Variants in COX15 observed in about 807,000 individuals in gnomAD.
The protein encoded by COX15 is heme A synthase COX15.
COX15 carries 51 observed loss-of-function variants against 51.9 expected under a neutral mutation model. That is an observed-to-expected ratio of 0.98 (90% confidence interval 0.78 to 1.24). COX15 has a LOEUF of 1.24. Among genes scored for constraint, COX15 ranks in the 50% most tolerant of loss-of-function variants. COX15 has a pLI of 0.00. For synonymous variants in COX15, 188 were observed against 190.5 expected (o/e 0.99, Z 0.11); for missense variants, 420 against 501.1 (o/e 0.84, Z 1.55).
At chr10:99,709,431 G>A (rs1308371757), downstream of COX15, 2 of 985,244 alleles carry the variant, frequency 2.0e-6, no homozygotes, top group African/African-American at 3.5e-5. Flanking sequence ...TCCAGCCCCT[G>A]GGGCAATAAC....
Position 99,711,985 on chromosome 10 carries a change from A to G in COX15, c.*2602T>C. 2 of 327,348 alleles carry G rather than the reference A, an allele frequency of 6.1e-6. No individual in the cohort carries two copies. Among genetic ancestry groups the G allele is most frequent in the Non-Finnish European group, 8.8e-6 (2 of 228,320 alleles). The allele number at this position is 327,348 out of a possible 1,614,324, so 20.3% of individuals were successfully genotyped here. ...AGGTGAAGGGGAGCCAGTGTGTCAC[A>G]TGGTGAGAGAGAGCAAGCGAGAGAG... On this transcript the variant is annotated 3_prime_UTR_variant, in exon 9 of 9. Transcript: ENST00000016171.
intron 4 of COX15, among the ~76,000 whole-genome samples, chr10:99,726,010 T>C (rs1296217836): frequency 6.6e-6 from 1 of 152,230 alleles, no homozygotes; most frequent in African/African-American, 2.4e-5. Flanking sequence ...TCTTTTAATT[T>C]GTTGCTCAGT....
chr10:99,718,940 C>T (rs2036667027), intron 6 of COX15, among the ~76,000 whole-genome samples: 1 of 152,192 alleles, frequency 6.6e-6, no homozygotes, highest in South Asian at 2.1e-4. Context: ...AGAGATTTCG[C>T]TTGATGATCC....
chr10:99,696,192 A>G, the COX15 span: 32 of 1,551,536 alleles, frequency 2.1e-5, 1 homozygote, highest in South Asian at 3.5e-4. Context: ...AGAAATACTC[A>G]CATCCTCCTA....
chr10:99,716,730 T>A lies in COX15; in HGVS notation c.988-269A>T, dbSNP rs2036591817. ...TACACCCTCACTCCCAGTGATCTCA[T>A]CCACCTTCCAATGTGGGTGTCCCCC... On this transcript the variant is annotated intron_variant, in intron 7 of 8. Transcript: ENST00000016171. 1.8e-5 allele frequency: 7 copies of A among 384,322 alleles called. No individual in the cohort carries two copies. The Admixed American group carries it at 2.6e-4, about 14-fold the overall frequency. 23.8% of individuals were successfully genotyped at this position (384,322 alleles called of 1,614,324 possible). A position where few individuals can be genotyped will look rare whatever the true frequency, so the allele number is the denominator to read the frequency against.
In COX15 at chr10:99,720,999, TAAGG is replaced by T. The variant is rs1564647082; in HGVS notation, c.816_819del (p.Phe272LeufsTer12). The T allele has an allele frequency of 6.2e-7, 1 of 1,613,690 alleles. No homozygotes were observed. Among genetic ancestry groups the T allele is most frequent in the Non-Finnish European group, 8.5e-7 (1 of 1,179,866 alleles). ...AGCTGAGTCCTACCTGAGAGGGCCGTAAGGAACACCAGACCTGCTGTTCCATGAG... is the reference window on the plus strand; with the variant it reads ...AGCTGAGTCCTACCTGAGAGGGCCGTAACACCAGACCTGCTGTTCCATGAG... On this transcript the variant is annotated frameshift_variant, in exon 6 of 9. Transcript: ENST00000016171. LOFTEE classifies it high-confidence loss of function.
chr10:99,716,704 A>G, intron 7 of COX15: 1 of 435,516 alleles, frequency 2.3e-6, no homozygotes, highest in South Asian at 2.1e-5. Context: ...TATGTACTTT[A>G]TACACCCTCA....
chr10:99,699,306 G>A, the COX15 span, among the ~76,000 whole-genome samples: 1 of 152,190 alleles, frequency 6.6e-6, no homozygotes, highest in Non-Finnish European at 1.5e-5. Flanking sequence ...GAGGCAGAGT[G>A]GTATGGGGTC....
downstream of COX15, chr10:99,708,977 C>T: frequency 1.0e-6 from 1 of 985,426 alleles, no homozygotes; most frequent in Non-Finnish European, 1.2e-6. Flanking sequence ...GCTTTGCTCA[C>T]ATTTAGGAAT....
chr10:99,710,712 G>A (rs2036355143), downstream of COX15: 1 of 985,264 alleles, frequency 1.0e-6, no homozygotes, highest in African/African-American at 1.7e-5. Context: ...AGGACCACAA[G>A]GGTAGCTGTA....
Position 99,720,989 on chromosome 10 carries a change from G to A in COX15, c.830C>T (p.Ser277Leu). ...ATCTTTGATGAGCTGAGTCCTACCTGAGAGGGCCGTAAGGAACACCAGACC... is the reference window on the plus strand; with the variant it reads ...ATCTTTGATGAGCTGAGTCCTACCTAAGAGGGCCGTAAGGAACACCAGACC... ...TAGLVFLTAL[S>L]GAFVAGLDAG... The change falls in exon 6 of 9, where the codon TCA (serine) becomes TTA (leucine). Residue 277 changes from serine to leucine, a missense_variant and splice_region_variant. Physicochemically the swap from Ser to Leu is moderately radical, Grantham distance 145 (BLOSUM62 -2). Coordinates refer to ENST00000016171, the MANE Select transcript of COX15 (RefSeq NM_078470.6). 6.2e-7 allele frequency: 1 copy of A among 1,613,258 alleles called. No individual in the cohort carries two copies.
chr10:99,709,065 G>A (rs907915852), downstream of COX15: 96 of 981,886 alleles, frequency 9.8e-5, 1 homozygote, highest in Middle Eastern at 1.0e-3. Flanking sequence ...ATTTCTTTTC[G>A]TACTTTTAAA....
the COX15 span, among the ~76,000 whole-genome samples, chr10:99,701,906 G>T: frequency 6.6e-6 from 1 of 151,854 alleles, no homozygotes; most frequent in Non-Finnish European, 1.5e-5. Flanking sequence ...AAATTAGCAG[G>T]GTTTGGTGGC....
intron 4 of COX15, among the ~76,000 whole-genome samples, chr10:99,726,092 GGC>G (rs2036941414): frequency 6.6e-6 from 1 of 151,898 alleles, no homozygotes; most frequent in Non-Finnish European, 1.5e-5. Context: ...TTCCTTAAGA[GGC>G]GCTCAACTTA....
At position 99,714,685 on chromosome 10, in the gene COX15, C is replaced by T; in HGVS notation, c.1135G>A (p.Val379Ile). ...TGAGTGGCGGCCAGAGGAGTTGGGA[C>T]ATACATCAGCAGCGTGCTGATGCCC... ...GLGISTLLMYVPTPLAATHQS... is the reference protein window; with the variant it reads ...GLGISTLLMYIPTPLAATHQS... The change falls in exon 9 of 9, where the codon GTC (valine) becomes ATC (isoleucine). Residue 379 changes from valine (V) to isoleucine (I), a missense_variant. Val to Ile is a conservative substitution (Grantham distance 29, BLOSUM62 3). Transcript: ENST00000016171. 1 of 1,613,906 alleles carries T rather than the reference C, an allele frequency of 6.2e-7. No homozygotes were observed. The highest frequency in any genetic ancestry group is 8.5e-7 in the Non-Finnish European group (1 of 1,180,032).
intron 2 of COX15, among the ~76,000 whole-genome samples, 178 bp from the exon 3 acceptor site, chr10:99,727,741 T>C (rs1345283359): frequency 6.6e-6 from 1 of 152,222 alleles, no homozygotes; most frequent in East Asian, 1.9e-4. Flanking sequence ...ACAGCTGCCA[T>C]CAGGTACAAA....
the COX15 span, among the ~76,000 whole-genome samples, chr10:99,703,601 G>C: frequency 2.6e-5 from 4 of 152,200 alleles, no homozygotes; most frequent in Non-Finnish European, 5.9e-5. Context: ...TTCTAGCCAG[G>C]TGGACCATTA....
intron 6 of COX15, among the ~76,000 whole-genome samples, chr10:99,719,811 T>A (rs971170528): frequency 1.3e-5 from 2 of 152,206 alleles, no homozygotes; most frequent in Non-Finnish European, 2.9e-5. Flanking sequence ...TTTTTTTAAA[T>A]GTCCCTTATG....
At chr10:99,704,822 C>T in the COX15 span, 1 of 775,958 alleles carries the variant, frequency 1.3e-6, no homozygotes, top group East Asian at 2.7e-5. Context: ...TTACTTTCTA[C>T]CGTAATTCCT....
Sources: gnomAD v4.1 joint callset for allele counts (sites outside exome capture counted in the v4.1 genomes callset) on GRCh38, gnomAD v4.1.1 for gene constraint, MANE v1.5 for transcripts, NCBI Gene and HGNC (gene_info 2026-07-23, HGNC 2026-07-21) for gene names.